Variants in TAFA5 observed in about 807,000 individuals in gnomAD.
TAFA5 encodes TAFA chemokine like family member 5, also known as chemokine-like protein TAFA-5.
In TAFA5, 6 loss-of-function variants were observed where a neutral mutation model predicts 15.3. The ratio of observed to expected loss-of-function variants is 0.39; its 90% confidence interval spans 0.21 to 0.77. TAFA5 has a LOEUF of 0.77. Among genes scored for constraint, TAFA5 ranks in the 30% least tolerant of loss-of-function variants. The pLI, the probability that TAFA5 is intolerant of heterozygous loss-of-function variation, is 0.41. For synonymous variants in TAFA5, 103 were observed against 80.7 expected, an observed-to-expected ratio of 1.28 and a Z score of -1.48; for missense variants, 161 against 193.1, an observed-to-expected ratio of 0.83 and a Z score of 0.98.
chr22:48,660,225 C>T (rs1415078038), intron 2 of TAFA5, among the ~76,000 whole-genome samples: 1 of 152,182 alleles, frequency 6.6e-6, no homozygotes, highest in Non-Finnish European at 1.5e-5. Context: ...CTCCCAGTGC[C>T]TGGCAAGGAA....
intron 1 of TAFA5, among the ~76,000 whole-genome samples, chr22:48,605,752 GACATGT>G (rs1925170050): frequency 6.6e-6 from 1 of 152,040 alleles, no homozygotes; most frequent in Non-Finnish European, 1.5e-5. Context: ...CTCACCCTGT[GACATGT>G]ACTGAAAATG....
At chr22:48,626,174 G>T (rs966092147) in intron 1 of TAFA5, among the ~76,000 whole-genome samples, 1 of 152,212 alleles carries the variant, frequency 6.6e-6, no homozygotes, top group African/African-American at 2.4e-5. Context: ...AGCTTTCTGT[G>T]TGGGCAGAAG....
At chr22:48,682,567 A>G (rs1438764700) in intron 2 of TAFA5, among the ~76,000 whole-genome samples, 1 of 152,254 alleles carries the variant, frequency 6.6e-6, no homozygotes, top group Non-Finnish European at 1.5e-5. Flanking sequence ...TGGTGAAAGC[A>G]GAAGACCCTG....
At chr22:48,508,193 C>G (rs1013743560) in intron 1 of TAFA5, among the ~76,000 whole-genome samples, 1 of 152,162 alleles carries the variant, frequency 6.6e-6, no homozygotes, top group East Asian at 1.9e-4. Flanking sequence ...CTGTTCAGCT[C>G]GAGGCTGCAC....
In TAFA5 at chr22:48,633,510, CTGTCTGTCTGTCTGTCTGTCTG is replaced by C. The variant is rs1164920893; in HGVS notation, c.113-13085_113-13064del. 6.1e-4 allele frequency among the ~76,000 whole-genome samples: 45 copies of C among 73,442 alleles called. 1 individual carries two copies. Among genetic ancestry groups the C allele is most frequent in the East Asian group, 2.1e-3 (1 of 470 alleles). The allele number at this position is 73,442 out of a possible 152,430, so 48.2% of individuals were successfully genotyped here. A position where few individuals can be genotyped will look rare whatever the true frequency, so the allele number is the denominator to read the frequency against. Reference sequence around the variant, plus strand: ...CTTTGCTCTGTGTCTGTCTGTCTGTCTGTCTGTCTGTCTGTCTGTCTGTCTCTCCCTCTCTCTCTCTCTCTCT... The same window carrying C: ...CTTTGCTCTGTGTCTGTCTGTCTGTCTCTCTCCCTCTCTCTCTCTCTCTCT... On this transcript the variant is annotated intron_variant, in intron 1 of 3. Coordinates refer to ENST00000402357, the MANE Select transcript of TAFA5 (RefSeq NM_001082967.3).
intron 3 of TAFA5, among the ~76,000 whole-genome samples, chr22:48,731,061 C>T (rs879526672): frequency 5.3e-5 from 8 of 152,224 alleles, no homozygotes; most frequent in Non-Finnish European, 1.0e-4. Flanking sequence ...GCAAGTACTA[C>T]TCCAGTGAAT....
intron 2 of TAFA5, 88 bp downstream of exon 2, chr22:48,646,834 A>C: frequency 3.5e-6 from 5 of 1,447,928 alleles, no homozygotes; most frequent in Non-Finnish European, 4.6e-6. Flanking sequence ...CCTTACCTGA[A>C]GGTCCCCCTA....
intron 2 of TAFA5, chr22:48,693,210 A>G (rs1190957240): frequency 3.7e-6 from 5 of 1,355,382 alleles, no homozygotes; most frequent in Non-Finnish European, 5.0e-6. Context: ...ACGGGGCCTC[A>G]CTCGTCCTCA....
intron 1 of TAFA5, among the ~76,000 whole-genome samples, chr22:48,498,761 A>C: frequency 6.6e-6 from 1 of 152,172 alleles, no homozygotes; most frequent in Non-Finnish European, 1.5e-5. Context: ...TGACAACCAA[A>C]GATGTCTCTG....
intron 1 of TAFA5, among the ~76,000 whole-genome samples, chr22:48,645,687 GC>G (rs1313853000): frequency 6.6e-6 from 1 of 152,104 alleles, no homozygotes; most frequent in Non-Finnish European, 1.5e-5. Context: ...TCCTGTGGGA[GC>G]CTGTCCACGA....
rs768505748 is a variant in TAFA5 at position 48,489,735 on chromosome 22, G to C, written c.112+31G>C. On this transcript the variant is annotated intron_variant, in intron 1 of 3. Coordinates refer to ENST00000402357, the MANE Select transcript of TAFA5 (RefSeq NM_001082967.3). The surrounding 1 kb of genome is among the most constrained non-coding windows in gnomAD (Gnocchi z 5.5). The stretch of plus-strand genomic sequence containing the variant: ...TACCGCGCGGCCCCGGCCCCGGCAC[G>C]GCCCTCTGGGCCCCGGACCCCCTCC... 1 of 1,317,544 alleles carries C rather than the reference G, an allele frequency of 7.6e-7. No individual in the cohort carries two copies. The highest frequency in any genetic ancestry group is 3.3e-5 in the East Asian group (1 of 30,212). 81.6% of individuals were successfully genotyped at this position (1,317,544 alleles called of 1,614,324 possible). A position where few individuals can be genotyped will look rare whatever the true frequency, so the allele number is the denominator to read the frequency against.
chr22:48,563,918 C>T (rs759670815), intron 1 of TAFA5, among the ~76,000 whole-genome samples: 5 of 152,234 alleles, frequency 3.3e-5, no homozygotes, highest in Non-Finnish European at 7.3e-5. Context: ...TTTCCTGGAG[C>T]CGGGCATCCT....
rs541767693 is a variant in TAFA5 at position 48,589,102 on chromosome 22, G to A, written c.113-57495G>A. Among the ~76,000 whole-genome samples, 10 of 152,294 alleles carry A rather than the reference G, an allele frequency of 6.6e-5. 1 individual carries two copies. Among genetic ancestry groups the A allele is most frequent in the Admixed American group, 6.5e-4 (10 of 15,302 alleles). On this transcript the variant is annotated intron_variant, in intron 1 of 3. Coordinates refer to ENST00000402357, the MANE Select transcript of TAFA5 (RefSeq NM_001082967.3). Reference sequence around the variant, plus strand: ...CATCTTCAGACCCTCCTGTCCCCAGGGAATGCCTGCACAGTGACAACTCCC... The same window carrying A: ...CATCTTCAGACCCTCCTGTCCCCAGAGAATGCCTGCACAGTGACAACTCCC...
At chr22:48,692,911 C>T (rs1339219572) in intron 2 of TAFA5, among the ~76,000 whole-genome samples, 1 of 152,228 alleles carries the variant, frequency 6.6e-6, no homozygotes, top group Non-Finnish European at 1.5e-5. Flanking sequence ...CCCAGGCCAC[C>T]TCAGGGATGG....
At chr22:48,572,572 C>T (rs911144660) in intron 1 of TAFA5, among the ~76,000 whole-genome samples, 3 of 152,144 alleles carry the variant, frequency 2.0e-5, no homozygotes, top group Non-Finnish European at 2.9e-5. Context: ...TTTCTTAGAC[C>T]TTGAGTTTTT....
intron 1 of TAFA5, among the ~76,000 whole-genome samples, chr22:48,627,311 C>T (rs944396265): frequency 9.2e-5 from 14 of 152,228 alleles, no homozygotes; most frequent in Admixed American, 8.5e-4. Flanking sequence ...GTGTTGTCTC[C>T]GTCACTGTCC....
chr22:48,585,733 A>G (rs1045072420), intron 1 of TAFA5, among the ~76,000 whole-genome samples: 3 of 151,658 alleles, frequency 2.0e-5, no homozygotes, highest in African/African-American at 7.3e-5. Context: ...ACACACACAC[A>G]TAACATACAC....
chr22:48,603,332 G>A (rs2147166966), intron 1 of TAFA5, among the ~76,000 whole-genome samples: 1 of 152,380 alleles, frequency 6.6e-6, no homozygotes, highest in African/African-American at 2.4e-5. Flanking sequence ...ATGGACAGAT[G>A]AGATGCCCAC....
chr22:48,576,131 G>A (rs967935570), intron 1 of TAFA5, among the ~76,000 whole-genome samples: 10 of 143,814 alleles, frequency 7.0e-5, no homozygotes, highest in African/African-American at 2.5e-4. Context: ...GCGGCGGCGG[G>A]GCTGATTCAT....
Sources: allele counts gnomAD v4.1 joint callset (sites outside exome capture counted in the v4.1 genomes callset), GRCh38; gene constraint gnomAD v4.1.1; non-coding constraint Gnocchi (gnomAD v3.1); transcripts MANE v1.5; gene names NCBI Gene and HGNC (gene_info 2026-07-23, HGNC 2026-07-21).